The following FGF14 variants were observed in gnomAD, a reference collection of about 807,000 sequenced individuals.
The protein encoded by FGF14 is fibroblast growth factor 14, also known as fibroblast growth factor homologous factor 4.
FGF14 carries 5 observed loss-of-function variants against 25.5 expected under a neutral mutation model. The observed-to-expected ratio is 0.20, with a 90% confidence interval of 0.10 to 0.41. The LOEUF is 0.41. Among genes scored for constraint, FGF14 ranks in the 10% least tolerant of loss-of-function variants. The pLI is 1.00. For synonymous variants in FGF14, 138 were observed against 118.3 expected, an observed-to-expected ratio of 1.17 and a Z score of -1.08; for missense variants, 222 against 320.1, an observed-to-expected ratio of 0.69 and a Z score of 2.34.
At chr13:101,913,401 C>T (rs2033152742) in intron 1 of FGF14, among the ~76,000 whole-genome samples, 1 of 152,070 alleles carries the variant, frequency 6.6e-6, no homozygotes, top group Non-Finnish European at 1.5e-5. Context: ...AAACATCACT[C>T]TTCTATAGGG....
chr13:102,295,005 C>A (rs1437694736), intron 1 of FGF14, among the ~76,000 whole-genome samples: 4 of 152,046 alleles, frequency 2.6e-5, no homozygotes, highest in East Asian at 3.9e-4. Context: ...TTTTAAAATA[C>A]CTACTTTGAT....
At chr13:102,380,930 T>G (rs924576371) in intron 1 of FGF14, among the ~76,000 whole-genome samples, 3 of 152,170 alleles carry the variant, frequency 2.0e-5, no homozygotes, top group African/African-American at 7.2e-5. Flanking sequence ...TATTGTAAAC[T>G]GAAAATACTG....
At chr13:101,950,181 T>G (rs2036068740) in intron 1 of FGF14, among the ~76,000 whole-genome samples, 1 of 152,054 alleles carries the variant, frequency 6.6e-6, no homozygotes, top group South Asian at 2.1e-4. Flanking sequence ...AAAGAGCCAC[T>G]CAACGAGTCT....
chr13:101,957,008 T>C (rs2036557634), intron 1 of FGF14, among the ~76,000 whole-genome samples: 2 of 152,076 alleles, frequency 1.3e-5, no homozygotes, highest in Non-Finnish European at 2.9e-5. Context: ...CTAAATATAA[T>C]CAATATATTC....
chr13:101,876,439 CA>C (rs1348111276), intron 1 of FGF14, among the ~76,000 whole-genome samples: 4 of 152,032 alleles, frequency 2.6e-5, no homozygotes, highest in Non-Finnish European at 5.9e-5. Flanking sequence ...TAGGTGAAGA[CA>C]AAAAAATTTT....
intron 1 of FGF14, among the ~76,000 whole-genome samples, chr13:102,246,866 A>T (rs571122727): frequency 2.8e-4 from 42 of 152,172 alleles, no homozygotes; most frequent in African/African-American, 1.0e-3. Context: ...TAACCAAAAC[A>T]TCATGGTACT....
chr13:102,052,380 A>G (rs1442099729), intron 1 of FGF14, among the ~76,000 whole-genome samples: 1 of 152,110 alleles, frequency 6.6e-6, no homozygotes, highest in Non-Finnish European at 1.5e-5. Context: ...ATAAATATCC[A>G]GGTACGAGAA....
chr13:102,116,959 C>A (rs1594019379), intron 1 of FGF14, among the ~76,000 whole-genome samples: 1 of 152,216 alleles, frequency 6.6e-6, no homozygotes, highest in African/African-American at 2.4e-5. Flanking sequence ...GCCTTCGCTG[C>A]AGAATGCAGT....
At chr13:101,882,001 T>A (rs1190771792) in intron 1 of FGF14, among the ~76,000 whole-genome samples, 2 of 152,206 alleles carry the variant, frequency 1.3e-5, no homozygotes, top group East Asian at 3.8e-4. Flanking sequence ...ATGTAAGTTC[T>A]TAAATGCTAT....
intron 3 of FGF14, among the ~76,000 whole-genome samples, chr13:101,823,072 T>A (rs897426999): frequency 6.6e-6 from 1 of 152,230 alleles, no homozygotes; most frequent in Non-Finnish European, 1.5e-5. Context: ...TATTCCATTG[T>A]ATGAATATGC....
At chr13:101,943,828 T>TATATATATATATACACAC (rs2035620172) in intron 1 of FGF14, among the ~76,000 whole-genome samples, 2 of 133,930 alleles carry the variant, frequency 1.5e-5, no homozygotes, top group African/African-American at 6.2e-5. Flanking sequence ...AAAAAAAAAA[T>TATATATATATATACACAC]ATATATATAT....
chr13:101,990,051 A>G (rs947423925), intron 1 of FGF14, among the ~76,000 whole-genome samples: 1 of 152,170 alleles, frequency 6.6e-6, no homozygotes, highest in Admixed American at 6.5e-5. Context: ...TTCCAAAATC[A>G]TATGAGCTGT....
chr13:102,056,268 C>T (rs1030769033), intron 1 of FGF14, among the ~76,000 whole-genome samples: 1 of 152,180 alleles, frequency 6.6e-6, no homozygotes, highest in African/African-American at 2.4e-5. Context: ...ATTGACACAG[C>T]CTATAACTCT....
At chr13:101,855,955 A>G (rs2044108160) in intron 3 of FGF14, among the ~76,000 whole-genome samples, 2 of 149,574 alleles carry the variant, frequency 1.3e-5, no homozygotes, top group East Asian at 2.0e-4. Flanking sequence ...TCTTCTGTCT[A>G]TCCACTTCAG....
chr13:102,253,598 T>C (rs1232660954), intron 1 of FGF14, among the ~76,000 whole-genome samples: 1 of 152,182 alleles, frequency 6.6e-6, no homozygotes, highest in Non-Finnish European at 1.5e-5. Flanking sequence ...TGCAAAAATT[T>C]CCCCCATTCT....
At chr13:102,077,230 C>T (rs1029729058) in intron 1 of FGF14, among the ~76,000 whole-genome samples, 3 of 152,004 alleles carry the variant, frequency 2.0e-5, no homozygotes, top group African/African-American at 2.4e-5. Context: ...TGTGACATTG[C>T]TCCGGGCAAT....
At chr13:101,822,028 AT>A (rs887157404) in intron 3 of FGF14, among the ~76,000 whole-genome samples, 4 of 152,146 alleles carry the variant, frequency 2.6e-5, no homozygotes, top group Admixed American at 1.3e-4. Flanking sequence ...TTGATCACTT[AT>A]TTTTTTAAGT....
At chr13:101,978,859 A>T (rs1464427921) in intron 1 of FGF14, among the ~76,000 whole-genome samples, 1 of 152,160 alleles carries the variant, frequency 6.6e-6, no homozygotes, top group Non-Finnish European at 1.5e-5. Flanking sequence ...AGCTCTGCAA[A>T]GGCCAGCTCT....
At chr13:101,982,207 G>T (rs1441280185) in intron 1 of FGF14, among the ~76,000 whole-genome samples, 1 of 152,058 alleles carries the variant, frequency 6.6e-6, no homozygotes, top group Non-Finnish European at 1.5e-5. Flanking sequence ...GATATAAATT[G>T]CTCCATCACA....
Sources: gnomAD v4.1 joint callset for allele counts (sites outside exome capture counted in the v4.1 genomes callset) on GRCh38, gnomAD v4.1.1 for gene constraint, MANE v1.5 for transcripts, NCBI Gene and HGNC (gene_info 2026-07-23, HGNC 2026-07-21) for gene names.